The following SKAP2 variants were observed in gnomAD, a reference collection of about 807,000 sequenced individuals.
SKAP2 encodes the protein src kinase-associated phosphoprotein 2.
A neutral mutation model predicts 54.9 loss-of-function variants in SKAP2; 28 were observed. The ratio of observed to expected loss-of-function variants is 0.51; its 90% CI spans 0.38 to 0.70. The LOEUF is 0.70. SKAP2 is among the 30% of genes least tolerant of loss of function. SKAP2 has a pLI of 0.00. For missense variants in SKAP2, 356 were observed against 424.1 expected (o/e 0.84, Z 1.41); for synonymous variants, 137 against 134.3 (o/e 1.02, Z -0.14).
intron 4 of SKAP2, among the ~76,000 whole-genome samples, chr7:26,789,952 C>G (rs1212543367): frequency 2.0e-5 from 3 of 152,112 alleles, no homozygotes; most frequent in Admixed American, 1.3e-4. Flanking sequence ...TGCAAGCCCT[C>G]CCAGTAATCA....
At chr7:26,857,565 CAAAG>C (rs1785197508) in intron 1 of SKAP2, 1 of 985,302 alleles carries the variant, frequency 1.0e-6, no homozygotes, top group African/African-American at 1.7e-5. Context: ...TCTCGCAACG[CAAAG>C]ACAGACCAAG....
Position 26,726,997 on chromosome 7 carries a change from T to C in SKAP2, c.479A>G (p.Gln160Arg). Residue 160 changes from glutamine (Q) to arginine (R), a missense_variant, in exon 7 of 13, where the codon CAG (glutamine) becomes CGG (arginine). Physicochemically the swap from Gln to Arg is conservative, Grantham distance 43. Coordinates refer to ENST00000345317, the MANE Select transcript of SKAP2 (RefSeq NM_003930.5). ...YYYGSDKDKQ[Q>R]KGEFAIDGYS... ...GCCATCTATTGCAAATTCACCTTTC[T>C]GTTGTTTGTCTGTTGAAGATAAAAC... 2 of 1,601,546 alleles carry C rather than the reference T, an allele frequency of 1.2e-6. No individual in the cohort carries two copies. The highest frequency in any genetic ancestry group is 1.7e-6 in the Non-Finnish European group (2 of 1,174,836).
chr7:26,857,388 A>C, intron 1 of SKAP2: 1 of 904,824 alleles, frequency 1.1e-6, no homozygotes, highest in Non-Finnish European at 1.3e-6. Context: ...ACTGTCCACA[A>C]CCAAACTTGG....
intron 6 of SKAP2, among the ~76,000 whole-genome samples, chr7:26,733,602 T>C (rs1258183854): frequency 6.6e-6 from 1 of 152,110 alleles, no homozygotes; most frequent in Non-Finnish European, 1.5e-5. Context: ...AGAGAACATA[T>C]ATGTCCTCTT....
intron 4 of SKAP2, among the ~76,000 whole-genome samples, chr7:26,791,790 C>A (rs73065521): frequency 0.21 from 32,593 of 151,988 alleles, 3,580 homozygotes; most frequent in Non-Finnish European, 0.24. Context: ...ATAGCTATTG[C>A]GGAAAACATT....
intron 4 of SKAP2, among the ~76,000 whole-genome samples, chr7:26,791,589 T>C (rs1451186819): frequency 6.6e-6 from 1 of 152,224 alleles, no homozygotes; most frequent in Non-Finnish European, 1.5e-5. Context: ...TAACTATCTA[T>C]TTTGGTTATT....
At chr7:26,727,517 C>A (rs1479002472) in intron 6 of SKAP2, among the ~76,000 whole-genome samples, 1 of 151,250 alleles carries the variant, frequency 6.6e-6, no homozygotes. Flanking sequence ...CAAAGCAAAC[C>A]AAAACTAAAC....
At chr7:26,817,009 C>A (rs1784278455) in intron 4 of SKAP2, among the ~76,000 whole-genome samples, 1 of 152,056 alleles carries the variant, frequency 6.6e-6, no homozygotes, top group Non-Finnish European at 1.5e-5. Context: ...CTAAACCACA[C>A]CTAACTCACT....
intron 4 of SKAP2, among the ~76,000 whole-genome samples, chr7:26,797,427 G>A (rs1239621264): frequency 6.6e-6 from 1 of 152,212 alleles, no homozygotes; most frequent in Non-Finnish European, 1.5e-5. Flanking sequence ...GTAATCCAGA[G>A]AATTCTCCCG....
In SKAP2 at chr7:26,732,422, T is replaced by C. The variant is rs140924191; in HGVS notation, c.470-5416A>G. ...AGCCTGTGTGTAGCATTCTTAGCAA[T>C]TCTGAGAGCTGATATTTTCCTAATA... On this transcript the variant is annotated intron_variant, in intron 6 of 12. Transcript: ENST00000345317. Among the ~76,000 whole-genome samples, 373 of 152,316 alleles carry C rather than the reference T, an allele frequency of 2.4e-3. 2 individuals carry two copies. The highest frequency in any genetic ancestry group is 0.014 in the Middle Eastern group (4 of 294).
chr7:26,827,522 G>A (rs1053017153), intron 4 of SKAP2, among the ~76,000 whole-genome samples: 4 of 152,036 alleles, frequency 2.6e-5, no homozygotes, highest in Non-Finnish European at 5.9e-5. Context: ...ATTAAAATAC[G>A]ACTATGGCTA....
intron 4 of SKAP2, among the ~76,000 whole-genome samples, chr7:26,805,071 C>T (rs1783998238): frequency 6.6e-6 from 1 of 151,990 alleles, no homozygotes; most frequent in South Asian, 2.1e-4. Flanking sequence ...GTTTTGAAAT[C>T]AGATTATAAA....
At chr7:26,835,167 A>G (rs573761504) in intron 4 of SKAP2, among the ~76,000 whole-genome samples, 1 of 152,330 alleles carries the variant, frequency 6.6e-6, no homozygotes, top group African/African-American at 2.4e-5. Context: ...AAAAACTCTC[A>G]ATAAAGTAGG....
At chr7:26,686,787 A>G (rs1584330491) in intron 10 of SKAP2, among the ~76,000 whole-genome samples, 1 of 152,230 alleles carries the variant, frequency 6.6e-6, no homozygotes, top group East Asian at 1.9e-4. Context: ...AGAGGATGAC[A>G]TCATTTCACA....
chr7:26,804,943 G>C (rs186042285), intron 4 of SKAP2, among the ~76,000 whole-genome samples: 16 of 152,122 alleles, frequency 1.1e-4, no homozygotes, highest in Admixed American at 6.5e-5. Flanking sequence ...ATCATGGAAA[G>C]ATGTTTCCTA....
intron 5 of SKAP2, 21 bp from the exon 6 acceptor site, chr7:26,738,899 T>G: frequency 5.7e-6 from 8 of 1,399,066 alleles, no homozygotes; most frequent in Non-Finnish European, 8.1e-6. Flanking sequence ...GAGGGGAAAA[T>G]GTAAGGCCAT....
At chr7:26,762,947 T>C (rs565371531) in intron 4 of SKAP2, among the ~76,000 whole-genome samples, 98 of 152,278 alleles carry the variant, frequency 6.4e-4, no homozygotes, top group African/African-American at 2.1e-3. Flanking sequence ...TGTAACAACA[T>C]TGGCCTCATT....
At chr7:26,738,437 A>T (rs1221785598) in intron 6 of SKAP2, among the ~76,000 whole-genome samples, 1 of 152,180 alleles carries the variant, frequency 6.6e-6, no homozygotes. Flanking sequence ...ATTTAAGAAA[A>T]ATAATCTATT....
rs527515488 is a variant in SKAP2 at position 26,667,795 on chromosome 7, C to G, written c.*1871G>C. 4 of 152,482 alleles carry G rather than the reference C, an allele frequency of 2.6e-5. No individual in the cohort carries two copies. Among genetic ancestry groups the G allele is most frequent in the Non-Finnish European group, 5.9e-5 (4 of 68,032 alleles). 9.4% of individuals were successfully genotyped at this position (152,482 alleles called of 1,614,324 possible). On this transcript the variant is annotated 3_prime_UTR_variant, in exon 13 of 13. Transcript: ENST00000345317. ...TAGGACTAAAAACTTCTTTTCAACC[C>G]AAAGCACAAACCCAAATCCACAAAG...
Sources: allele counts gnomAD v4.1 joint callset (sites outside exome capture counted in the v4.1 genomes callset), GRCh38; gene constraint gnomAD v4.1.1; transcripts MANE v1.5; gene names NCBI Gene and HGNC (gene_info 2026-07-23, HGNC 2026-07-21).